Variants in CTNNBL1 observed in about 807,000 individuals in gnomAD.
CTNNBL1 encodes the protein catenin beta like 1.
In CTNNBL1, 31 loss-of-function variants were observed where a neutral mutation model predicts 72.7. The observed-to-expected ratio is 0.43, with a 90% confidence interval of 0.32 to 0.58. The LOEUF is 0.58. CTNNBL1 is among the 20% of genes least tolerant of loss of function. The pLI is 0.08. For synonymous variants in CTNNBL1, 240 were observed against 267.3 expected, an observed-to-expected ratio of 0.90 and a Z score of 1.00; for missense variants, 534 against 725.1, an observed-to-expected ratio of 0.74 and a Z score of 3.03.
rs114932934 is a variant in CTNNBL1, at chr20:37,866,534, C to T, written c.1604-5391C>T. 1.7e-3 allele frequency among the ~76,000 whole-genome samples: 254 copies of T among 152,284 alleles called. 1 individual carries two copies. Among genetic ancestry groups the T allele is most frequent in the African/African-American group, 5.8e-3 (242 of 41,554 alleles). On this transcript the variant is annotated intron_variant, in intron 15 of 15. Coordinates refer to ENST00000361383, the MANE Select transcript of CTNNBL1 (RefSeq NM_030877.5). ...GGTGAAGTGCTGTATGTACAGTGCT[C>T]GCATGGTGGCTGGCACCTAGAAGAA...
intron 13 of CTNNBL1, among the ~76,000 whole-genome samples, chr20:37,855,626 C>A (rs1309997893): frequency 6.6e-6 from 1 of 152,162 alleles, no homozygotes; most frequent in Non-Finnish European, 1.5e-5. Flanking sequence ...GGCTGATGCC[C>A]TGGTCTTCCA....
At chr20:37,836,066 G>A (rs2072250929) in intron 11 of CTNNBL1, among the ~76,000 whole-genome samples, 1 of 152,144 alleles carries the variant, frequency 6.6e-6, no homozygotes, top group Admixed American at 6.6e-5. Context: ...TACATCCATT[G>A]CTTTTATTTT....
Position 37,737,404 on chromosome 20 carries a change from G to GAAGA in CTNNBL1, c.249_252dup (p.Met85GlufsTer7), listed in dbSNP as rs780568750. Reference sequence around the variant, plus strand: ...AGGAGCCATTGGATGAAAGCTCAGTGAAGAAAATGATCCTCACATTTGAAA... The same window carrying GAAGA: ...AGGAGCCATTGGATGAAAGCTCAGTGAAGAAAGAAAATGATCCTCACATTTGAAA... On this transcript the variant is annotated frameshift_variant, in exon 3 of 16. Coordinates refer to ENST00000361383, the MANE Select transcript of CTNNBL1 (RefSeq NM_030877.5). LOFTEE classifies it high-confidence loss of function. The GAAGA allele has an allele frequency of 6.2e-7, 1 of 1,613,770 alleles. No homozygotes were observed. The highest frequency in any genetic ancestry group is 8.5e-7 in the Non-Finnish European group (1 of 1,179,790).
chr20:37,803,459 G>A (rs1007818030), intron 11 of CTNNBL1, among the ~76,000 whole-genome samples: 4 of 152,128 alleles, frequency 2.6e-5, no homozygotes, highest in Non-Finnish European at 4.4e-5. Flanking sequence ...AGGAATTGCC[G>A]AAATAAACTA....
At chr20:37,700,861 A>G (rs913121944) in intron 1 of CTNNBL1, among the ~76,000 whole-genome samples, 3 of 152,138 alleles carry the variant, frequency 2.0e-5, no homozygotes, top group Non-Finnish European at 4.4e-5. Context: ...TTTTGGTGAT[A>G]TTGCAGACAC....
At chr20:37,746,659 C>T (rs2073267380) in intron 4 of CTNNBL1, 52 bp downstream of exon 4, 2 of 1,597,354 alleles carry the variant, frequency 1.3e-6, no homozygotes, top group Non-Finnish European at 1.7e-6. Flanking sequence ...TGGGGAAGTG[C>T]TGTTACTCTT....
intron 5 of CTNNBL1, among the ~76,000 whole-genome samples, chr20:37,760,644 A>C (rs1430292755): frequency 6.6e-6 from 1 of 152,256 alleles, no homozygotes; most frequent in East Asian, 1.9e-4. Flanking sequence ...CTTTCTCTGT[A>C]AAATGGAGAT....
chr20:37,815,072 T>G (rs2072043440), intron 11 of CTNNBL1, among the ~76,000 whole-genome samples: 1 of 104,974 alleles, frequency 9.5e-6, no homozygotes, highest in African/African-American at 3.9e-5. Flanking sequence ...TTAGGGACTC[T>G]GTGAGTGTGT....
At chr20:37,726,117 T>C (rs58285098) in intron 1 of CTNNBL1, among the ~76,000 whole-genome samples, 1,600 of 152,358 alleles carry the variant, frequency 0.011, 34 homozygotes, top group African/African-American at 0.037. Flanking sequence ...TAACTTACTT[T>C]CCAGGACTGC....
At chr20:37,696,435 CTTTTTTTTTTTTT>C (rs57358123) in intron 1 of CTNNBL1, among the ~76,000 whole-genome samples, 5 of 89,590 alleles carry the variant, frequency 5.6e-5, no homozygotes, top group Non-Finnish European at 1.0e-4. Context: ...TGTACAATAT[CTTTTTTTTTTTTT>C]TTTTTTTTTT....
At chr20:37,865,896 G>A (rs2072532945) in intron 15 of CTNNBL1, among the ~76,000 whole-genome samples, 1 of 152,224 alleles carries the variant, frequency 6.6e-6, no homozygotes, top group Non-Finnish European at 1.5e-5. Flanking sequence ...TTGGCCCATG[G>A]CCCTTTGATT....
intron 10 of CTNNBL1, among the ~76,000 whole-genome samples, chr20:37,781,222 C>T (rs2073622543): frequency 6.6e-6 from 1 of 152,090 alleles, no homozygotes; most frequent in African/African-American, 2.4e-5. Flanking sequence ...AAGTAAATAG[C>T]ATAAATAGAA....
intron 11 of CTNNBL1, among the ~76,000 whole-genome samples, chr20:37,831,701 A>G (rs1017206199): frequency 6.6e-6 from 1 of 152,158 alleles, no homozygotes; most frequent in East Asian, 1.9e-4. Flanking sequence ...TCATAAAATG[A>G]TGAGCTTCTC....
chr20:37,806,815 G>A (rs1417112206), intron 11 of CTNNBL1, among the ~76,000 whole-genome samples: 1 of 152,174 alleles, frequency 6.6e-6, no homozygotes, highest in African/African-American at 2.4e-5. Context: ...TCAGAGTTAG[G>A]AGGGGTCTGA....
chr20:37,752,148 C>T (rs2073324753), intron 4 of CTNNBL1, among the ~76,000 whole-genome samples: 1 of 152,152 alleles, frequency 6.6e-6, no homozygotes, highest in South Asian at 2.1e-4. Flanking sequence ...AAATCTATGT[C>T]CCTGGAAGAT....
intron 1 of CTNNBL1, among the ~76,000 whole-genome samples, chr20:37,710,672 C>CTG (rs2072929713): frequency 1.3e-5 from 2 of 152,176 alleles, no homozygotes; most frequent in African/African-American, 4.8e-5. Context: ...GGGGCTTAAC[C>CTG]TGGCCTTCTG....
At chr20:37,844,644 C>T (rs558174833) in intron 13 of CTNNBL1, among the ~76,000 whole-genome samples, 1 of 152,262 alleles carries the variant, frequency 6.6e-6, no homozygotes, top group South Asian at 2.1e-4. Flanking sequence ...GACACAATGG[C>T]TCACACCTGA....
In CTNNBL1 at chr20:37,722,642, CTAAAG is replaced by C. The variant is rs1459021574; in HGVS notation, c.31-10230_31-10226del. Among the ~76,000 whole-genome samples the C allele has an allele frequency of 6.6e-5, 10 of 152,216 alleles. No homozygotes were observed. In the East Asian group the frequency reaches 9.6e-4, roughly 15 times the overall value. On this transcript the variant is annotated intron_variant, in intron 1 of 15. Transcript: ENST00000361383. ...TTTAATCTTCCTATCCCTTAGCTTA[CTAAAG>C]TAAAGTTAGTCCTGTGAGATAGCGA...
chr20:37,704,397 C>T lies in CTNNBL1; in HGVS notation c.30+10245C>T, dbSNP rs145280704. Among the ~76,000 whole-genome samples, 1,444 of 152,108 alleles carry T rather than the reference C, an allele frequency of 9.5e-3. 11 individuals are homozygous for T. Among genetic ancestry groups the T allele is most frequent in the Non-Finnish European group, 0.015 (1,048 of 67,984 alleles). On this transcript the variant is annotated intron_variant, in intron 1 of 15. Transcript: ENST00000361383. ...TCCATCCCTTCCTTTCTGTTCCAACCGCCACCACCTTAGTTTAGACTCTTA... is the reference window on the plus strand; with the variant it reads ...TCCATCCCTTCCTTTCTGTTCCAACTGCCACCACCTTAGTTTAGACTCTTA...
Sources: gnomAD v4.1 joint callset for allele counts (sites outside exome capture counted in the v4.1 genomes callset) on GRCh38, gnomAD v4.1.1 for gene constraint, MANE v1.5 for transcripts, NCBI Gene and HGNC (gene_info 2026-07-23, HGNC 2026-07-21) for gene names.